Variants in ANGPT2 observed in about 807,000 individuals in gnomAD.
ANGPT2 encodes the protein angiopoietin-2.
ANGPT2 carries 28 observed loss-of-function variants against 62.9 expected under a neutral mutation model. The observed-to-expected ratio is 0.44, with a 90% CI of 0.33 to 0.61. The LOEUF (loss-of-function observed/expected upper bound fraction) is 0.61, where lower values mean the gene tolerates loss of function less well. ANGPT2 is among the 20% of genes least tolerant of loss of function. The pLI is 0.03. For synonymous variants in ANGPT2, 284 were observed against 207.8 expected (o/e 1.37, Z -3.15); for missense variants, 727 against 594.9 (o/e 1.22, Z -2.31).
At chr8:6,542,249 A>G (rs915689230) in intron 1 of ANGPT2, among the ~76,000 whole-genome samples, 4 of 152,180 alleles carry the variant, frequency 2.6e-5, no homozygotes, top group African/African-American at 9.7e-5. Context: ...ATATCTGTCT[A>G]GAGACATATA....
rs183241928 is a variant in ANGPT2, at chr8:6,559,737, T to G, written c.288+2910A>C. 1.3e-3 allele frequency among the ~76,000 whole-genome samples: 192 copies of G among 152,272 alleles called. 2 individuals carry two copies. The highest frequency in any genetic ancestry group is 0.012 in the Admixed American group (186 of 15,298). On this transcript the variant is annotated intron_variant, in intron 1 of 8. Transcript: ENST00000629816. ...TCCATTTTGCTAAATTATTTGTGAG[T>G]TTTTATAAAGTGTGTTTAATATCAC...
intron 1 of ANGPT2, among the ~76,000 whole-genome samples, chr8:6,551,516 C>T (rs1284428505): frequency 6.6e-6 from 1 of 152,174 alleles, no homozygotes; most frequent in Non-Finnish European, 1.5e-5. Flanking sequence ...ATCACAAAAT[C>T]ACCAGTTGTT....
Position 6,501,347 on chromosome 8 carries a change from A to T in ANGPT2, c.*1754T>A, listed in dbSNP as rs1345902171. On this transcript the variant is annotated 3_prime_UTR_variant, in exon 9 of 9. Transcript: ENST00000629816. ...TAAGGTGAAGACAGACATATAGTAG[A>T]TGCTAGTTACAGACTGGACTCTGAA... The T allele has an allele frequency of 6.6e-6, 1 of 152,232 alleles. No homozygotes were observed. Among genetic ancestry groups the T allele is most frequent in the African/African-American group, 2.4e-5 (1 of 41,462 alleles). The allele number at this position is 152,232 out of a possible 1,614,324, so 9.4% of individuals were successfully genotyped here.
At chr8:6,533,627 C>T (rs553235820) in intron 1 of ANGPT2, among the ~76,000 whole-genome samples, 1 of 144,728 alleles carries the variant, frequency 6.9e-6, no homozygotes, top group African/African-American at 2.5e-5. Context: ...TCTTCCATTC[C>T]CTGGTCCAAA....
At chr8:6,534,364 C>G (rs1436318032) in intron 1 of ANGPT2, among the ~76,000 whole-genome samples, 1 of 152,138 alleles carries the variant, frequency 6.6e-6, no homozygotes, top group East Asian at 1.9e-4. Flanking sequence ...TGCAGATCTA[C>G]CCTGTTTTAC....
chr8:6,533,133 A>G (rs779087836), intron 1 of ANGPT2, among the ~76,000 whole-genome samples: 2 of 152,234 alleles, frequency 1.3e-5, no homozygotes, highest in African/African-American at 2.4e-5. Flanking sequence ...CATTTCATGT[A>G]TCAAGCAAAC....
intron 3 of ANGPT2, among the ~76,000 whole-genome samples, chr8:6,527,144 A>G (rs1041621400): frequency 1.3e-5 from 2 of 152,228 alleles, no homozygotes; most frequent in African/African-American, 4.8e-5. Flanking sequence ...CTTTCACTCC[A>G]CAGCACTAGC....
At chr8:6,535,863 C>T (rs1390122575) in intron 1 of ANGPT2, among the ~76,000 whole-genome samples, 1 of 149,308 alleles carries the variant, frequency 6.7e-6, no homozygotes, top group Non-Finnish European at 1.5e-5. Context: ...GGCTGAGTAA[C>T]ATGGTGAAAC....
chr8:6,540,133 C>A (rs1437279569), intron 1 of ANGPT2, among the ~76,000 whole-genome samples: 1 of 152,172 alleles, frequency 6.6e-6, no homozygotes, highest in African/African-American at 2.4e-5. Flanking sequence ...CTGGCAAATC[C>A]TATCCGCTTT....
intron 1 of ANGPT2, among the ~76,000 whole-genome samples, chr8:6,545,582 T>A (rs1029883089): frequency 6.6e-6 from 1 of 152,236 alleles, no homozygotes; most frequent in Non-Finnish European, 1.5e-5. Context: ...AGGGTTAAAA[T>A]GTATATTCGT....
intron 1 of ANGPT2, among the ~76,000 whole-genome samples, chr8:6,542,410 A>G (rs1416157214): frequency 6.6e-6 from 1 of 152,120 alleles, no homozygotes; most frequent in African/African-American, 2.4e-5. Context: ...TAAGAAATAG[A>G]CATTCCAAAG....
At chr8:6,520,656 A>G (rs1817145932) in intron 4 of ANGPT2, among the ~76,000 whole-genome samples, 2 of 152,148 alleles carry the variant, frequency 1.3e-5, no homozygotes, top group South Asian at 4.1e-4. Flanking sequence ...TCAGCCTCCC[A>G]AAGTGCTGCA....
intron 5 of ANGPT2, among the ~76,000 whole-genome samples, chr8:6,516,825 A>G (rs947589320): frequency 6.6e-6 from 1 of 152,198 alleles, no homozygotes; most frequent in African/African-American, 2.4e-5. Flanking sequence ...ACTTAAATAC[A>G]TGTTCTATCT....
rs547416530 is a variant in ANGPT2, at chr8:6,540,914, T to C, written c.289-8427A>G. Reference sequence around the variant, plus strand: ...CCCCACAGGATCTCCCAAGGAGCCCTGGGACAGTGTCTCAGAACATCCACC... The same window carrying C: ...CCCCACAGGATCTCCCAAGGAGCCCCGGGACAGTGTCTCAGAACATCCACC... On this transcript the variant is annotated intron_variant, in intron 1 of 8. Transcript: ENST00000629816. Among the ~76,000 whole-genome samples the C allele has an allele frequency of 9.6e-4, 147 of 152,372 alleles. 3 individuals carry two copies. In the South Asian group the frequency reaches 0.029, roughly 30 times the overall value.
At position 6,526,935 on chromosome 8, in the gene ANGPT2, TATA is replaced by T. The variant is rs1289394549; in HGVS notation, c.566+617_566+619del. Among the ~76,000 whole-genome samples the T allele has an allele frequency of 9.8e-5, 15 of 152,312 alleles. No individual in the cohort carries two copies. The East Asian group carries it at 2.7e-3, about 27-fold the overall frequency. On this transcript the variant is annotated intron_variant, in intron 3 of 8. Coordinates refer to ENST00000629816, the MANE Select transcript of ANGPT2 (RefSeq NM_001118887.2). ...TTTCTATATTTTATTTAAATATTAA[TATA>T]ATCATGTTTAATATTTTTGGTTTTA...
chr8:6,505,461 T>G (rs1813343528), intron 8 of ANGPT2, among the ~76,000 whole-genome samples: 1 of 69,842 alleles, frequency 1.4e-5, no homozygotes, highest in African/African-American at 5.1e-5. Flanking sequence ...ATAGAATATA[T>G]ATATTCTTTA....
chr8:6,518,370 A>G (rs1816697259), intron 5 of ANGPT2, among the ~76,000 whole-genome samples: 1 of 152,226 alleles, frequency 6.6e-6, no homozygotes, highest in African/African-American at 2.4e-5. Flanking sequence ...TTGCCTTTTC[A>G]TCTGCAGCAG....
intron 3 of ANGPT2, among the ~76,000 whole-genome samples, chr8:6,524,128 A>G (rs991535221): frequency 1.3e-5 from 2 of 152,188 alleles, no homozygotes; most frequent in African/African-American, 2.4e-5. Flanking sequence ...TTTCCTTCCA[A>G]TATAAAGTTT....
At chr8:6,525,161 C>A (rs1200066605) in intron 3 of ANGPT2, among the ~76,000 whole-genome samples, 1 of 152,222 alleles carries the variant, frequency 6.6e-6, no homozygotes, top group Non-Finnish European at 1.5e-5. Context: ...CTACCCATTA[C>A]ATATCTCGCC....
Sources: gnomAD v4.1 joint callset for allele counts (sites outside exome capture counted in the v4.1 genomes callset) on GRCh38, gnomAD v4.1.1 for gene constraint, MANE v1.5 for transcripts, NCBI Gene and HGNC (gene_info 2026-07-23, HGNC 2026-07-21) for gene names.